POFUT2: variants seen among roughly 807,000 people sequenced by gnomAD.
POFUT2 encodes the protein GDP-fucose protein O-fucosyltransferase 2.
In POFUT2, 30 loss-of-function variants were observed where a neutral mutation model predicts 55.0. The observed-to-expected ratio is 0.55, with a 90% CI of 0.41 to 0.74. The LOEUF (loss-of-function observed/expected upper bound fraction) is 0.74, where lower values mean the gene tolerates loss of function less well. POFUT2 is among the 30% of genes least tolerant of loss of function. The probability of loss-of-function intolerance (pLI) is 0.00; values close to 1 mark genes in which losing one functional copy is unlikely to be tolerated. For missense variants in POFUT2, 524 were observed against 562.6 expected (o/e 0.93, Z 0.69); for synonymous variants, 267 against 231.1 (o/e 1.16, Z -1.41).
Position 45,282,207 on chromosome 21 carries a change from C to A in POFUT2, c.638+142G>T, listed in dbSNP as rs2030753732. ...CATGCAAGCACTTCCCTAACCACCA[C>A]CCCCCAGGGCCCCCAGGGTCCGCTG... is the stretch of plus-strand genomic sequence containing the variant. On this transcript the variant is annotated intron_variant, in intron 4 of 8. Transcript: ENST00000349485. The surrounding 1 kb of genome is among the most constrained non-coding windows in gnomAD (Gnocchi z 4.6). 9.5e-6 allele frequency: 6 copies of A among 630,404 alleles called. No individual in the cohort carries two copies. The highest frequency in any genetic ancestry group is 4.2e-4 in the Middle Eastern group (1 of 2,356). The allele number at this position is 630,404 out of a possible 1,614,324, so 39.1% of individuals were successfully genotyped here. A position where few individuals can be genotyped will look rare whatever the true frequency, so the allele number is the denominator to read the frequency against.
At position 45,267,539 on chromosome 21, in the gene POFUT2, C is replaced by T. The variant is rs2093167600; in HGVS notation, c.1136+51G>A. ...CACCGAGTACTTGGGACAGAAGAAC[C>T]TTTGAAAGCCACCCGACCCGCTCTC... On this transcript the variant is annotated intron_variant, in intron 8 of 8. Transcript: ENST00000349485. The surrounding 1 kb of genome is among the most constrained non-coding windows in gnomAD (Gnocchi z 4.4). The T allele has an allele frequency of 1.9e-6, 3 of 1,614,046 alleles. No individual in the cohort carries two copies. Among genetic ancestry groups the T allele is most frequent in the South Asian group, 2.2e-5 (2 of 91,092 alleles).
intron 4 of POFUT2, among the ~76,000 whole-genome samples, chr21:45,279,240 A>C (rs1017921898): frequency 1.7e-4 from 26 of 152,014 alleles, no homozygotes; most frequent in African/African-American, 6.3e-4. Flanking sequence ...AAATACAAAA[A>C]AATTAGCCGG....
intron 4 of POFUT2, among the ~76,000 whole-genome samples, chr21:45,279,207 C>T (rs527659794): frequency 2.8e-4 from 42 of 151,536 alleles, no homozygotes; most frequent in East Asian, 1.7e-3. Flanking sequence ...CTGGCTAAGA[C>T]GGTGAAACCC....
chr21:45,266,333 C>T (rs764800271), intron 8 of POFUT2: 156 of 1,352,224 alleles, frequency 1.2e-4, no homozygotes, highest in Non-Finnish European at 1.5e-4. Context: ...CTGTATGCTG[C>T]TGCGGGGTGC....
chr21:45,279,547 A>G (rs1396728358), intron 4 of POFUT2, among the ~76,000 whole-genome samples: 1 of 152,208 alleles, frequency 6.6e-6, no homozygotes, highest in African/African-American at 2.4e-5. Flanking sequence ...ACACGAACAG[A>G]GCAAGGATTC....
At position 45,285,845 on chromosome 21, in the gene POFUT2, G is replaced by A; in HGVS notation, c.215C>T (p.Thr72Ile). 6.2e-7 allele frequency: 1 copy of A among 1,613,476 alleles called. No homozygotes were observed. Among genetic ancestry groups the A allele is most frequent in the Non-Finnish European group, 8.5e-7 (1 of 1,179,964 alleles). ...VYIRIASLLK[T>I]LLKTEEWVLV... ...CACCCACTCCTCCGTCTTCAGCAGA[G>A]TCTTCAGGAGAGAGGCGATTCGGAT... is the stretch of plus-strand genomic sequence containing the variant. Residue 72 changes from threonine (T) to isoleucine (I), a missense_variant, in exon 2 of 9, where the codon ACT becomes ATT. Physicochemically the swap from Thr to Ile is moderately conservative, Grantham distance 89. Coordinates refer to ENST00000349485, the MANE Select transcript of POFUT2 (RefSeq NM_133635.6). The surrounding 1 kb of genome is among the most constrained non-coding windows in gnomAD (Gnocchi z 4.9).
Position 45,285,826 on chromosome 21 carries a change from C to T in POFUT2, c.234G>A (p.Glu78=), listed in dbSNP as rs1332366611. 3 of 1,613,450 alleles carry T rather than the reference C, an allele frequency of 1.9e-6. No homozygotes were observed. The highest frequency in any genetic ancestry group is 3.3e-5 in the Admixed American group (2 of 60,002). ...SLLKTLLKTE[E]WVLVLPPWGR... ...CCCATGGAGGCAGGACAAGCACCCA[C>T]TCCTCCGTCTTCAGCAGAGTCTTCA... is the stretch of plus-strand genomic sequence containing the variant. Residue 78 remains glutamate (E), a synonymous_variant, in exon 2 of 9, where the codon GAG becomes GAA. Coordinates refer to ENST00000349485, the MANE Select transcript of POFUT2 (RefSeq NM_133635.6). This position sits in a 1 kb window ranked among gnomAD's most constrained non-coding sequence, Gnocchi z 4.9.
chr21:45,286,812 G>C (rs564898545), intron 1 of POFUT2, among the ~76,000 whole-genome samples: 10 of 152,344 alleles, frequency 6.6e-5, no homozygotes, highest in African/African-American at 2.4e-4. Context: ...GCCCAGGCCT[G>C]CGAACGCCAC....
intron 1 of POFUT2, among the ~76,000 whole-genome samples, chr21:45,286,188 C>A (rs1050339678): frequency 2.0e-5 from 3 of 152,138 alleles, no homozygotes; most frequent in Non-Finnish European, 4.4e-5. Context: ...TGACTGGAAC[C>A]CAAGAATCAG....
chr21:45,272,818 T>G (rs556549291), intron 6 of POFUT2, among the ~76,000 whole-genome samples: 2 of 152,122 alleles, frequency 1.3e-5, no homozygotes, highest in South Asian at 4.1e-4. Context: ...AACAATGAAA[T>G]TAAGATGGAA....
At position 45,268,829 on chromosome 21, in the gene POFUT2, G is replaced by A. The variant is rs1474468050; in HGVS notation, c.1012+1010C>T. Among the ~76,000 whole-genome samples the A allele has an allele frequency of 9.4e-3, 1,233 of 130,570 alleles. 17 individuals are homozygous for A. The highest frequency in any genetic ancestry group is 0.035 in the African/African-American group (1,114 of 32,214). The allele number at this position is 130,570 out of a possible 152,430, so 85.7% of individuals were successfully genotyped here. A position where few individuals can be genotyped will look rare whatever the true frequency, so the allele number is the denominator to read the frequency against. On this transcript the variant is annotated intron_variant, in intron 7 of 8. Transcript: ENST00000349485. ...AGGGAGGTGGGGGGGTCAGCCCTCCGCCCGGCCAGCCGCCCCGTCCGGGAG... is the reference window on the plus strand; with the variant it reads ...AGGGAGGTGGGGGGGTCAGCCCTCCACCCGGCCAGCCGCCCCGTCCGGGAG...
intron 2 of POFUT2, among the ~76,000 whole-genome samples, chr21:45,283,926 T>C (rs2031076643): frequency 6.6e-6 from 1 of 152,174 alleles, no homozygotes; most frequent in African/African-American, 2.4e-5. Flanking sequence ...CCCCCTGGTT[T>C]CCCACAGCGC....
chr21:45,277,005 GA>G lies in POFUT2; in HGVS notation c.831+11del. 4 of 1,613,682 alleles carry G rather than the reference GA, an allele frequency of 2.5e-6. No individual in the cohort carries two copies. Among genetic ancestry groups the G allele is most frequent in the Non-Finnish European group, 3.4e-6 (4 of 1,179,718 alleles). On this transcript the variant is annotated intron_variant, in intron 6 of 8. Coordinates refer to ENST00000349485, the MANE Select transcript of POFUT2 (RefSeq NM_133635.6). The surrounding 1 kb of genome is among the most constrained non-coding windows in gnomAD (Gnocchi z 6.9). ...TACCTTTTCTCTAATTAACAAAAGG[GA>G]GGGGGGCTACCTTCATCTTCATCCA...
chr21:45,271,084 T>C (rs947630332), intron 6 of POFUT2, among the ~76,000 whole-genome samples: 2 of 152,068 alleles, frequency 1.3e-5, no homozygotes, highest in African/African-American at 4.8e-5. Context: ...CGAAGGTTCA[T>C]TATTAAGCTA....
At position 45,284,141 on chromosome 21, in the gene POFUT2, C is replaced by A. The variant is rs962933622; in HGVS notation, c.383-614G>T. Among the ~76,000 whole-genome samples, 2 of 151,070 alleles carry A rather than the reference C, an allele frequency of 1.3e-5. No homozygotes were observed. The highest frequency in any genetic ancestry group is 2.4e-5 in the African/African-American group (1 of 41,008). On this transcript the variant is annotated intron_variant, in intron 2 of 8. Transcript: ENST00000349485. This position sits in a 1 kb window ranked among gnomAD's most constrained non-coding sequence, Gnocchi z 5.8. Reference sequence around the variant, plus strand: ...GAGGGAGCACCGCGCAGGTGAAGTTCTGGGGCAGGAACAAAGCGGGAGGGA... The same window carrying A: ...GAGGGAGCACCGCGCAGGTGAAGTTATGGGGCAGGAACAAAGCGGGAGGGA...
chr21:45,269,793 AT>A (rs1397722995), intron 7 of POFUT2, 45 bp downstream of exon 7: 3 of 1,551,382 alleles, frequency 1.9e-6, no homozygotes, highest in African/African-American at 1.4e-5. Flanking sequence ...AATAAAAAAA[AT>A]AAATTAAAAG....
Position 45,270,728 on chromosome 21 carries a change from C to G in POFUT2, c.832-709G>C, listed in dbSNP as rs1455413799. Among the ~76,000 whole-genome samples, 1 of 152,240 alleles carries G rather than the reference C, an allele frequency of 6.6e-6. No homozygotes were observed. The highest frequency in any genetic ancestry group is 1.5e-5 in the Non-Finnish European group (1 of 68,048). On this transcript the variant is annotated intron_variant, in intron 6 of 8. Coordinates refer to ENST00000349485, the MANE Select transcript of POFUT2 (RefSeq NM_133635.6). The surrounding 1 kb of genome is among the most constrained non-coding windows in gnomAD (Gnocchi z 4.6). ...CGAAGACGGATCACAGCACAGGACT[C>G]TCCGCAGACATTCCCCAGCAGCATC...
rs1454063819 is a variant in POFUT2, at chr21:45,267,011, G to A, written c.1136+579C>T. 149 of 1,050,724 alleles carry A rather than the reference G, an allele frequency of 1.4e-4. No homozygotes were observed. The highest frequency in any genetic ancestry group is 1.6e-4 in the Non-Finnish European group (142 of 869,854). The allele number at this position is 1,050,724 out of a possible 1,614,324, so 65.1% of individuals were successfully genotyped here. On this transcript the variant is annotated intron_variant, in intron 8 of 8. Transcript: ENST00000349485. This position sits in a 1 kb window ranked among gnomAD's most constrained non-coding sequence, Gnocchi z 4.4. ...GACTGCACGCAGGGCCCACGCTCCC[G>A]GCCTCTGGGACGCTCACGGCAGCCC...
chr21:45,266,362 C>A, intron 8 of POFUT2: 1 of 1,299,286 alleles, frequency 7.7e-7, no homozygotes, highest in Non-Finnish European at 1.0e-6. Context: ...TGGGGAGACC[C>A]TCACCACCCC....
Sources: gnomAD v4.1 joint callset for allele counts (sites outside exome capture counted in the v4.1 genomes callset) on GRCh38, gnomAD v4.1.1 for gene constraint, Gnocchi (gnomAD v3.1) non-coding constraint, MANE v1.5 for transcripts, NCBI Gene and HGNC (gene_info 2026-07-23, HGNC 2026-07-21) for gene names.